The following TRIO variants were observed in gnomAD, a reference collection of about 807,000 sequenced individuals.
TRIO encodes the protein trio Rho guanine nucleotide exchange factor.
A neutral mutation model predicts 351.9 loss-of-function variants in TRIO; 58 were observed. That is an observed-to-expected ratio of 0.16 (90% CI 0.13 to 0.21). The LOEUF is 0.21. Among genes scored for constraint, TRIO ranks in the 10% least tolerant of loss-of-function variants. The probability of loss-of-function intolerance (pLI) is 1.00; values close to 1 mark genes in which losing one functional copy is unlikely to be tolerated. For missense variants in TRIO, 3,201 were observed against 4,027.8 expected (o/e 0.79, Z 5.56); for synonymous variants, 1,758 against 1,595.7 (o/e 1.10, Z -2.42).
intron 1 of TRIO, among the ~76,000 whole-genome samples, chr5:14,212,163 A>G (rs1178426509): frequency 6.6e-6 from 1 of 152,076 alleles, no homozygotes; most frequent in African/African-American, 2.4e-5. Flanking sequence ...AGGCAAATTA[A>G]TGGTTTAATG....
In TRIO at chr5:14,293,103, C is replaced by T. The variant is rs1420247491; in HGVS notation, c.1145C>T (p.Thr382Met). ...TSHPHAMELQ[T>M]QHNHFAMNCM... Reference sequence around the variant, plus strand: ...CACCCTCATGCCATGGAGCTTCAGACGCAGCACAATCACTTTGCCATGAAC... The same window carrying T: ...CACCCTCATGCCATGGAGCTTCAGATGCAGCACAATCACTTTGCCATGAAC... Residue 382 changes from threonine to methionine, a missense_variant, in exon 6 of 57, where the codon ACG becomes ATG. By Grantham distance (81) the Thr-to-Met change is moderately conservative (BLOSUM62 -1). This residue lies in a region of TRIO where 349 missense variants were observed against 449.3 expected (regional missense o/e 0.78). Coordinates refer to ENST00000344204, the MANE Select transcript of TRIO (RefSeq NM_007118.4). 1.2e-5 allele frequency: 20 copies of T among 1,614,194 alleles called. No homozygotes were observed. Among genetic ancestry groups the T allele is most frequent in the Middle Eastern group, 1.6e-4 (1 of 6,062 alleles).
At chr5:14,180,835 C>T (rs1459896405) in intron 1 of TRIO, among the ~76,000 whole-genome samples, 3 of 134,756 alleles carry the variant, frequency 2.2e-5, no homozygotes, top group African/African-American at 4.9e-5. Context: ...CCATGTCCCC[C>T]CAGTGCCCCC....
intron 1 of TRIO, among the ~76,000 whole-genome samples, chr5:14,232,874 G>A (rs1165181893): frequency 1.3e-5 from 2 of 152,178 alleles, no homozygotes; most frequent in Non-Finnish European, 2.9e-5. Context: ...GTATGTTAGA[G>A]GACCAGCTGG....
intron 11 of TRIO, among the ~76,000 whole-genome samples, chr5:14,342,385 A>G (rs1253227723): frequency 6.6e-6 from 1 of 152,206 alleles, no homozygotes; most frequent in Non-Finnish European, 1.5e-5. Context: ...ACTAAACAGG[A>G]AAACTGACTA....
rs1743820617 is a variant in TRIO at position 14,358,263 on chromosome 5, A to G, written c.2132A>G (p.Lys711Arg). The change falls in exon 12 of 57, where the codon AAG (lysine) becomes AGG (arginine). Residue 711 changes from lysine to arginine, a missense_variant. Coordinates refer to ENST00000344204, the MANE Select transcript of TRIO (RefSeq NM_007118.4). ...ESVEAVQDLI[K>R]RFGQQQQTTL... Reference sequence around the variant, plus strand: ...GTGGAGGCCGTGCAGGACCTCATCAAGCGCTTTGGCCAGCAGCAGCAGACC... The same window carrying G: ...GTGGAGGCCGTGCAGGACCTCATCAGGCGCTTTGGCCAGCAGCAGCAGACC... 1.2e-6 allele frequency: 2 copies of G among 1,614,064 alleles called. No homozygotes were observed. Among genetic ancestry groups the G allele is most frequent in the African/African-American group, 1.3e-5 (1 of 74,920 alleles).
At chr5:14,494,718 G>A (rs775869969) in intron 49 of TRIO, among the ~76,000 whole-genome samples, 9 of 152,144 alleles carry the variant, frequency 5.9e-5, no homozygotes, top group Non-Finnish European at 1.2e-4. Flanking sequence ...GACAAGTATG[G>A]TGAAACCCAG....
chr5:14,184,205 T>A (rs1789965873), intron 1 of TRIO, among the ~76,000 whole-genome samples: 1 of 152,092 alleles, frequency 6.6e-6, no homozygotes, highest in Non-Finnish European at 1.5e-5. Flanking sequence ...AATGTTTTTT[T>A]AAAAGAGATT....
intron 33 of TRIO, among the ~76,000 whole-genome samples, chr5:14,409,616 C>T (rs1421873294): frequency 4.6e-5 from 7 of 152,018 alleles, no homozygotes; most frequent in African/African-American, 7.2e-5. Flanking sequence ...GGGCAGATCA[C>T]GAGGTCAGGA....
intron 10 of TRIO, among the ~76,000 whole-genome samples, chr5:14,332,232 C>A (rs1581637045): frequency 2.0e-5 from 3 of 152,168 alleles, no homozygotes; most frequent in African/African-American, 7.2e-5. Flanking sequence ...AGTTATTATC[C>A]AGGAAGCCAT....
At chr5:14,468,480 A>G (rs1156383467) in intron 37 of TRIO, among the ~76,000 whole-genome samples, 1 of 152,206 alleles carries the variant, frequency 6.6e-6, no homozygotes, top group South Asian at 2.1e-4. Context: ...TTTGTACTTT[A>G]TGTGATAGGT....
rs560103173 is a variant in TRIO, at chr5:14,348,862, GTA to G, written c.2047-9312_2047-9311del. 1.3e-4 allele frequency among the ~76,000 whole-genome samples: 13 copies of G among 98,494 alleles called. No individual in the cohort carries two copies. The East Asian group carries it at 3.0e-3, about 22-fold the overall frequency. The allele number at this position is 98,494 out of a possible 152,430, so 64.6% of individuals were successfully genotyped here. ...GTACGCACGTGAGCATGTTTTTCCT[GTA>G]TATGTGTATGCACATGAGCATGTGT... On this transcript the variant is annotated intron_variant, in intron 11 of 56. Transcript: ENST00000344204.
At chr5:14,248,623 G>A (rs984074693) in intron 1 of TRIO, among the ~76,000 whole-genome samples, 10 of 152,156 alleles carry the variant, frequency 6.6e-5, no homozygotes, top group East Asian at 3.9e-4. Flanking sequence ...TGCAAGCGCC[G>A]TCCACACAGG....
At chr5:14,149,120 G>T (rs1334448662) in intron 1 of TRIO, among the ~76,000 whole-genome samples, 17 of 152,216 alleles carry the variant, frequency 1.1e-4, no homozygotes, top group Admixed American at 1.1e-3. Context: ...GGAGTGGTCA[G>T]AGGCTTGCGG....
intron 7 of TRIO, among the ~76,000 whole-genome samples, chr5:14,298,017 GGGAAA>G (rs1287136327): frequency 6.6e-6 from 1 of 152,220 alleles, no homozygotes; most frequent in Non-Finnish European, 1.5e-5. Flanking sequence ...CAAGGGGTGG[GGGAAA>G]GGGTGGATCT....
At position 14,390,390 on chromosome 5, in the gene TRIO, C is replaced by T. The variant is rs145931427; in HGVS notation, c.4128+90C>T. On this transcript the variant is annotated intron_variant, in intron 26 of 56. Transcript: ENST00000344204. ...GATGGTCTTCATTTCCTTTAAGTCA[C>T]CATCTTCTGCTCATATCCATGCTTG... 1.9e-4 allele frequency: 218 copies of T among 1,167,908 alleles called. 2 individuals are homozygous for T. The African/African-American group carries it at 3.2e-3, about 17-fold the overall frequency. 72.3% of individuals were successfully genotyped at this position (1,167,908 alleles called of 1,614,324 possible).
chr5:14,446,379 ATTG>A (rs1428740099), intron 34 of TRIO, among the ~76,000 whole-genome samples: 2 of 152,088 alleles, frequency 1.3e-5, no homozygotes, highest in East Asian at 3.8e-4. Context: ...TTTGGCCTTT[ATTG>A]TTGTGGTGGT....
intron 1 of TRIO, among the ~76,000 whole-genome samples, chr5:14,239,145 T>C (rs745465481): frequency 6.6e-6 from 1 of 152,118 alleles, no homozygotes; most frequent in Non-Finnish European, 1.5e-5. Flanking sequence ...ATTCAAATAT[T>C]AAAATACCAG....
chr5:14,251,381 G>T (rs1794737428), intron 1 of TRIO, among the ~76,000 whole-genome samples: 1 of 152,208 alleles, frequency 6.6e-6, no homozygotes, highest in African/African-American at 2.4e-5. Context: ...ACCTGACAGA[G>T]CCTAACTCCT....
At chr5:14,210,080 C>T (rs1057063407) in intron 1 of TRIO, among the ~76,000 whole-genome samples, 8 of 152,266 alleles carry the variant, frequency 5.3e-5, no homozygotes, top group East Asian at 3.9e-4. Context: ...ACTAGGGCAG[C>T]GAGTGCAGGG....
Sources: gnomAD v4.1 joint callset for allele counts (sites outside exome capture counted in the v4.1 genomes callset) on GRCh38, gnomAD v4.1.1 for gene constraint, gnomAD v4.1.1 regional missense constraint, MANE v1.5 for transcripts, NCBI Gene and HGNC (gene_info 2026-07-23, HGNC 2026-07-21) for gene names.